The following ERBB4 variants were observed in gnomAD, a reference collection of about 807,000 sequenced individuals.
ERBB4 encodes receptor tyrosine-protein kinase erbB-4.
ERBB4 carries 42 observed loss-of-function variants against 158.0 expected under a neutral mutation model. The observed-to-expected ratio is 0.27, with a 90% CI of 0.21 to 0.34. The LOEUF (loss-of-function observed/expected upper bound fraction) is 0.34. ERBB4 is among the 10% of genes least tolerant of loss of function. The probability of loss-of-function intolerance (pLI) is 1.00; values close to 1 mark genes in which losing one functional copy is unlikely to be tolerated. For synonymous variants in ERBB4, 583 were observed against 558.7 expected (o/e 1.04, Z -0.61); for missense variants, 1,333 against 1,624.1 (o/e 0.82, Z 3.08).
rs537358408 is a variant in ERBB4 at position 212,319,449 on chromosome 2, A to C, written c.83-194546T>G. Among the ~76,000 whole-genome samples, 18 of 150,522 alleles carry C rather than the reference A, an allele frequency of 1.2e-4. No individual in the cohort carries two copies. The South Asian group carries it at 3.2e-3, about 27-fold the overall frequency. On this transcript the variant is annotated intron_variant, in intron 1 of 27. Transcript: ENST00000342788. ...GAGGTTAAATTTGTTTGTTTTACAC[A>C]AGTACTTGGCCCAGGTTTCTCAAAA...
At chr2:211,639,690 G>A (rs773472294) in intron 16 of ERBB4, among the ~76,000 whole-genome samples, 1 of 152,064 alleles carries the variant, frequency 6.6e-6, no homozygotes, top group Non-Finnish European at 1.5e-5. Context: ...AACTACATAA[G>A]ACAGATACAG....
chr2:211,442,352 G>A (rs1836715), intron 20 of ERBB4, among the ~76,000 whole-genome samples: 116,896 of 151,820 alleles, frequency 0.77, 45,260 homozygotes, highest in African/African-American at 0.84. Context: ...CTACAACATA[G>A]TGATAATGTC....
At chr2:212,353,421 T>C (rs552576921) in intron 1 of ERBB4, among the ~76,000 whole-genome samples, 3 of 149,202 alleles carry the variant, frequency 2.0e-5, no homozygotes, top group African/African-American at 7.3e-5. Flanking sequence ...GTATAAAATA[T>C]TATATAAATA....
At chr2:212,259,912 A>G (rs948030217) in intron 1 of ERBB4, among the ~76,000 whole-genome samples, 2 of 152,064 alleles carry the variant, frequency 1.3e-5, no homozygotes, top group Non-Finnish European at 2.9e-5. Flanking sequence ...TGTACTAAAA[A>G]TACAAAAATT....
intron 14 of ERBB4, 54 bp downstream of exon 14, chr2:211,673,110 C>T (rs1344779413): frequency 1.6e-6 from 2 of 1,246,276 alleles, no homozygotes; most frequent in Non-Finnish European, 2.4e-6. Context: ...TAATAACAAA[C>T]ATTCATACAT....
intron 2 of ERBB4, 72 bp from the exon 3 acceptor site, chr2:211,947,688 A>C (rs1256742068): frequency 2.4e-6 from 3 of 1,268,472 alleles, no homozygotes; most frequent in Non-Finnish European, 3.4e-6. Context: ...AATTTAGATT[A>C]AAATGAGTTA....
intron 1 of ERBB4, among the ~76,000 whole-genome samples, chr2:212,232,692 G>A (rs939612416): frequency 6.6e-6 from 1 of 152,142 alleles, no homozygotes; most frequent in Non-Finnish European, 1.5e-5. Context: ...ACAGGCGTGA[G>A]CCACCACACC....
At chr2:211,532,849 C>T (rs930024216) in intron 20 of ERBB4, among the ~76,000 whole-genome samples, 10 of 151,930 alleles carry the variant, frequency 6.6e-5, no homozygotes, top group African/African-American at 2.2e-4. Flanking sequence ...TTTCTCTATA[C>T]TTCTCAAATA....
At chr2:211,831,467 G>A (rs183023903) in intron 3 of ERBB4, among the ~76,000 whole-genome samples, 2 of 152,218 alleles carry the variant, frequency 1.3e-5, no homozygotes, top group East Asian at 1.9e-4. Context: ...TTGACCTAAT[G>A]AGTAGTCAAA....
At chr2:212,121,722 G>A (rs964969255) in intron 2 of ERBB4, among the ~76,000 whole-genome samples, 5 of 132,030 alleles carry the variant, frequency 3.8e-5, no homozygotes, top group Admixed American at 3.0e-4. Flanking sequence ...CTGGGAGTAG[G>A]AGTCACATGT....
Position 211,750,724 on chromosome 2 carries a change from A to G in ERBB4, c.557-20T>C. 6.2e-7 allele frequency: 1 copy of G among 1,602,764 alleles called. No individual in the cohort carries two copies. Among genetic ancestry groups the G allele is most frequent in the Non-Finnish European group, 8.5e-7 (1 of 1,169,974 alleles). Reference sequence around the variant, plus strand: ...GTCCACCTGCAGAACACGAAAAGGGAAAAAGGACATGCACGTTATAATCTT... The same window carrying G: ...GTCCACCTGCAGAACACGAAAAGGGGAAAAGGACATGCACGTTATAATCTT... On this transcript the variant is annotated intron_variant, in intron 4 of 27. Coordinates refer to ENST00000342788, the MANE Select transcript of ERBB4 (RefSeq NM_005235.3).
At chr2:211,994,253 C>T (rs1575487276) in intron 2 of ERBB4, among the ~76,000 whole-genome samples, 1 of 151,942 alleles carries the variant, frequency 6.6e-6, no homozygotes, top group East Asian at 1.9e-4. Flanking sequence ...ACCTCATTCT[C>T]CTGAGTACCT....
chr2:212,389,264 T>C (rs1464323515), intron 1 of ERBB4, among the ~76,000 whole-genome samples: 1 of 152,020 alleles, frequency 6.6e-6, no homozygotes, highest in Non-Finnish European at 1.5e-5. Context: ...ATACATATAT[T>C]GAAAATGAGT....
chr2:211,383,334 T>A lies in ERBB4; in HGVS notation c.*281A>T. 1 of 394,378 alleles carries A rather than the reference T, an allele frequency of 2.5e-6. No individual in the cohort carries two copies. 24.4% of individuals were successfully genotyped at this position (394,378 alleles called of 1,614,324 possible). On this transcript the variant is annotated 3_prime_UTR_variant, in exon 28 of 28. Transcript: ENST00000342788. ...ACAGCTAGTTTGATAGTAGGCAGCA[T>A]TGCCTTACATTTTCTGGTCCTTCTC...
chr2:211,542,498 C>T (rs2066836645), intron 20 of ERBB4, among the ~76,000 whole-genome samples: 1 of 151,920 alleles, frequency 6.6e-6, no homozygotes, highest in South Asian at 2.1e-4. Flanking sequence ...TTTTCTATGG[C>T]TCTGTCATAC....
intron 1 of ERBB4, among the ~76,000 whole-genome samples, chr2:212,510,286 T>C (rs902375425): frequency 2.0e-5 from 3 of 149,848 alleles, no homozygotes; most frequent in Non-Finnish European, 4.4e-5. Context: ...TCCAATACTA[T>C]TGCACAATAT....
At chr2:212,054,784 C>T (rs1696623118) in intron 2 of ERBB4, among the ~76,000 whole-genome samples, 1 of 152,086 alleles carries the variant, frequency 6.6e-6, no homozygotes, top group African/African-American at 2.4e-5. Context: ...GGAAGTATTA[C>T]CTTAGAATAA....
intron 3 of ERBB4, among the ~76,000 whole-genome samples, chr2:211,894,198 T>A (rs1575333485): frequency 1.7e-5 from 2 of 120,994 alleles, no homozygotes; most frequent in Admixed American, 8.7e-5. Context: ...TAAGAAAATG[T>A]GGCACATATA....
At chr2:211,682,145 A>T (rs948792963) in intron 12 of ERBB4, among the ~76,000 whole-genome samples, 5 of 151,538 alleles carry the variant, frequency 3.3e-5, no homozygotes, top group African/African-American at 1.2e-4. Context: ...TCCACCTGAA[A>T]GCTGGAGACC....
Sources: allele counts gnomAD v4.1 joint callset (sites outside exome capture counted in the v4.1 genomes callset), GRCh38; gene constraint gnomAD v4.1.1; transcripts MANE v1.5; gene names NCBI Gene and HGNC (gene_info 2026-07-23, HGNC 2026-07-21).